The following AP2A2 variants were observed in gnomAD, a reference collection of about 807,000 sequenced individuals.
AP2A2 encodes the protein AP-2 complex subunit alpha-2.
In AP2A2, 32 loss-of-function variants were observed where a neutral mutation model predicts 104.2. The ratio of observed to expected loss-of-function variants is 0.31; its 90% CI spans 0.23 to 0.41. AP2A2 has a LOEUF of 0.41. AP2A2 is among the 10% of genes least tolerant of loss of function. The pLI is 1.00. For missense variants in AP2A2, 912 were observed against 1,261.0 expected (o/e 0.72, Z 4.19); for synonymous variants, 539 against 533.3 (o/e 1.01, Z -0.15).
Position 940,747 on chromosome 11 carries a change from G to A in AP2A2, c.67+14659G>A, listed in dbSNP as rs551697328. The A allele has an allele frequency of 5.8e-4, 261 of 451,688 alleles. 3 individuals are homozygous for A. Among genetic ancestry groups the A allele is most frequent in the South Asian group, 3.8e-3 (241 of 63,970 alleles). The allele number at this position is 451,688 out of a possible 1,614,324, so 28.0% of individuals were successfully genotyped here. The stretch of plus-strand genomic sequence containing the variant: ...GTTCTGAGCTCTCACTTTGTGCTTG[G>A]TGGCTGGTGGCTGTCCACCCATGTG... On this transcript the variant is annotated intron_variant, in intron 1 of 21. Transcript: ENST00000448903.
In AP2A2 at chr11:1,009,776, A is replaced by T; in HGVS notation, c.2701A>T (p.Ile901Phe). Residue 901 changes from isoleucine to phenylalanine, a missense_variant, in exon 21 of 22, where the codon ATT becomes TTT. Transcript: ENST00000448903. ...AGIIHTKTTQ[I>F]GCLLRLEPNL... ...AATCATCCACACGAAAACCACCCAGATTGGATGCCTGCTGCGCTTGGAGCC... is the reference window on the plus strand; with the variant it reads ...AATCATCCACACGAAAACCACCCAGTTTGGATGCCTGCTGCGCTTGGAGCC... The T allele has an allele frequency of 6.4e-7, 1 of 1,550,818 alleles. No individual in the cohort carries two copies. The highest frequency in any genetic ancestry group is 8.7e-7 in the Non-Finnish European group (1 of 1,146,288).
chr11:976,513 C>T (rs554872907), intron 4 of AP2A2, among the ~76,000 whole-genome samples: 83 of 152,070 alleles, frequency 5.5e-4, no homozygotes, highest in Non-Finnish European at 1.0e-3. Context: ...GGCAGGAGGG[C>T]GAAGGGGGAT....
chr11:976,461 C>T (rs1855041238), intron 4 of AP2A2, among the ~76,000 whole-genome samples: 1 of 152,142 alleles, frequency 6.6e-6, no homozygotes, highest in African/African-American at 2.4e-5. Flanking sequence ...GCGTCCACCC[C>T]AGGGTCCCTG....
chr11:953,063 G>A (rs1589960412), intron 1 of AP2A2, among the ~76,000 whole-genome samples: 2 of 152,228 alleles, frequency 1.3e-5, no homozygotes, highest in South Asian at 4.1e-4. Context: ...TTCTACTAGA[G>A]CGTTTTTGGT....
In AP2A2 at chr11:994,055, C is replaced by T. The variant is rs777924804; in HGVS notation, c.1783-17C>T. The T allele has an allele frequency of 2.5e-6, 4 of 1,612,124 alleles. No homozygotes were observed. The highest frequency in any genetic ancestry group is 3.4e-6 in the Non-Finnish European group (4 of 1,179,440). On this transcript the variant is annotated splice_polypyrimidine_tract_variant and intron_variant, in intron 13 of 21. Coordinates refer to ENST00000448903, the MANE Select transcript of AP2A2 (RefSeq NM_012305.4). ...GGCCAGGAGCTCTGACCAGTCCCACCCTGTGTTCTTTCCAAGGCGACCGTG... is the reference window on the plus strand; with the variant it reads ...GGCCAGGAGCTCTGACCAGTCCCACTCTGTGTTCTTTCCAAGGCGACCGTG...
intron 2 of AP2A2, among the ~76,000 whole-genome samples, chr11:967,318 A>G (rs755078032): frequency 5.3e-5 from 8 of 152,146 alleles, no homozygotes; most frequent in Non-Finnish European, 1.0e-4. Context: ...TGCCTCAGAC[A>G]CCTGATGCTC....
At chr11:934,696 G>T (rs10794344) in intron 1 of AP2A2, among the ~76,000 whole-genome samples, 1,966 of 152,226 alleles carry the variant, frequency 0.013, 38 homozygotes, top group Non-Finnish European at 0.016. Context: ...CCCTCTGATG[G>T]CAGCACAAGG....
intron 1 of AP2A2, chr11:940,657 G>T (rs1480351973): frequency 2.7e-6 from 1 of 364,716 alleles, no homozygotes; most frequent in Non-Finnish European, 5.4e-6. Flanking sequence ...TTCCTTCTGT[G>T]CATTGTCTCA....
rs1339298674 is a variant in AP2A2 at position 938,672 on chromosome 11, C to T, written c.67+12584C>T. ...GGTATTTTTAGTAGAGACGGGGTTT[C>T]ACCGTGTTAACCAGGATGGTCTCCA... On this transcript the variant is annotated intron_variant, in intron 1 of 21. Transcript: ENST00000448903. Among the ~76,000 whole-genome samples, 3 of 151,920 alleles carry T rather than the reference C, an allele frequency of 2.0e-5. No homozygotes were observed. The East Asian group carries it at 5.9e-4, about 30-fold the overall frequency.
At chr11:958,998 A>G (rs1015160836) in intron 1 of AP2A2, among the ~76,000 whole-genome samples, 1 of 152,232 alleles carries the variant, frequency 6.6e-6, no homozygotes, top group Non-Finnish European at 1.5e-5. Flanking sequence ...TTGAAAGCCT[A>G]TAGTAGTAAA....
chr11:1,008,362 A>C, intron 18 of AP2A2: 1 of 575,434 alleles, frequency 1.7e-6, no homozygotes. Flanking sequence ...CAGCTCCCAC[A>C]TGGGGCCTTG....
In AP2A2 at chr11:970,298, C is replaced by T. The variant is rs770294529; in HGVS notation, c.266C>T (p.Thr89Met). 1.4e-5 allele frequency: 23 copies of T among 1,613,418 alleles called. No individual in the cohort carries two copies. The highest frequency in any genetic ancestry group is 6.6e-5 in the South Asian group (6 of 91,004). Residue 89 changes from threonine to methionine, a missense_variant, in exon 3 of 22, where the codon ACG becomes ATG. Around this residue, in one of 7 missense-constraint regions of AP2A2, gnomAD observed 350 missense variants for 487.0 expected, o/e 0.72. Transcript: ENST00000448903. ...AVNLLSSNRY[T>M]EKQIGYLFIS... is the part of the protein sequence containing the mutation. ...AACCTGCTGAGTTCAAACAGATACA[C>T]GGAAAAGCAGATCGTGAGTATCGCT...
Position 1,011,470 on chromosome 11 carries a change from C to T in AP2A2, c.*845C>T, listed in dbSNP as rs1312456493. 4.0e-6 allele frequency: 2 copies of T among 497,898 alleles called. No homozygotes were observed. Among genetic ancestry groups the T allele is most frequent in the African/African-American group, 1.9e-5 (1 of 51,724 alleles). 30.8% of individuals were successfully genotyped at this position (497,898 alleles called of 1,614,324 possible). A position where few individuals can be genotyped will look rare whatever the true frequency, so the allele number is the denominator to read the frequency against. ...CTTCCACCGGCCCCGTCCAGTCGTCCCTGGAGGGGCTGTGGAGGAGGGACG... is the reference window on the plus strand; with the variant it reads ...CTTCCACCGGCCCCGTCCAGTCGTCTCTGGAGGGGCTGTGGAGGAGGGACG... On this transcript the variant is annotated 3_prime_UTR_variant, in exon 22 of 22. Coordinates refer to ENST00000448903, the MANE Select transcript of AP2A2 (RefSeq NM_012305.4).
chr11:966,754 A>C (rs1194756188), intron 2 of AP2A2, among the ~76,000 whole-genome samples: 1 of 152,134 alleles, frequency 6.6e-6, no homozygotes, highest in Non-Finnish European at 1.5e-5. Flanking sequence ...TGGTGACCAG[A>C]TGGCTGGTGG....
chr11:978,149 T>C (rs1855114251), intron 5 of AP2A2, among the ~76,000 whole-genome samples: 1 of 152,110 alleles, frequency 6.6e-6, no homozygotes, highest in Admixed American at 6.5e-5. Flanking sequence ...GAAGCAGCTA[T>C]GTGGGAGCTG....
In AP2A2 at chr11:1,011,216, C is replaced by A; in HGVS notation, c.*591C>A. On this transcript the variant is annotated 3_prime_UTR_variant, in exon 22 of 22. Coordinates refer to ENST00000448903, the MANE Select transcript of AP2A2 (RefSeq NM_012305.4). ...CTTCTGGCAAAAGCACGTGTCCTGG[C>A]CGGATGTAACTGTTCTCCTTTCCCA... The A allele has an allele frequency of 1.9e-6, 1 of 520,136 alleles. No individual in the cohort carries two copies. The highest frequency in any genetic ancestry group is 1.4e-5 in the South Asian group (1 of 71,602). 32.2% of individuals were successfully genotyped at this position (520,136 alleles called of 1,614,324 possible).
At position 993,714 on chromosome 11, in the gene AP2A2, GGGAC is replaced by G; in HGVS notation, c.1551-38_1551-35del. The G allele has an allele frequency of 6.7e-7, 1 of 1,495,880 alleles. No individual in the cohort carries two copies. The highest frequency in any genetic ancestry group is 9.0e-7 in the Non-Finnish European group (1 of 1,105,980). 92.7% of individuals were successfully genotyped at this position (1,495,880 alleles called of 1,614,324 possible). A position where few individuals can be genotyped will look rare whatever the true frequency, so the allele number is the denominator to read the frequency against. On this transcript the variant is annotated intron_variant, in intron 12 of 21. Transcript: ENST00000448903. This position sits in a 1 kb window ranked among gnomAD's most constrained non-coding sequence, Gnocchi z 8.2. The stretch of plus-strand genomic sequence containing the variant: ...GCGGGGGCGTGCTGCAGCCTGCGAG[GGGAC>G]GACGGTGTCCCTGTGTTGTGCCTCC...
At position 993,652 on chromosome 11, in the gene AP2A2, G is replaced by A; in HGVS notation, c.1551-102G>A. 1.1e-6 allele frequency: 1 copy of A among 884,106 alleles called. No homozygotes were observed. Among genetic ancestry groups the A allele is most frequent in the Non-Finnish European group, 1.7e-6 (1 of 580,528 alleles). 54.8% of individuals were successfully genotyped at this position (884,106 alleles called of 1,614,324 possible). ...AAGAGGGTCCCGACCAGCGGCCTCTGGTGCAGGCCAGGGGGTCTCGCCGCC... is the reference window on the plus strand; with the variant it reads ...AAGAGGGTCCCGACCAGCGGCCTCTAGTGCAGGCCAGGGGGTCTCGCCGCC... On this transcript the variant is annotated intron_variant, in intron 12 of 21. Transcript: ENST00000448903. This position sits in a 1 kb window ranked among gnomAD's most constrained non-coding sequence, Gnocchi z 8.2.
At chr11:988,158 A>C (rs1210929459) in intron 9 of AP2A2, among the ~76,000 whole-genome samples, 1 of 152,192 alleles carries the variant, frequency 6.6e-6, no homozygotes, top group African/African-American at 2.4e-5. Context: ...GGGCGTGAGG[A>C]CCTGCCTTGG....
Sources: allele counts gnomAD v4.1 joint callset (sites outside exome capture counted in the v4.1 genomes callset), GRCh38; gene constraint gnomAD v4.1.1; regional missense constraint gnomAD v4.1.1; non-coding constraint Gnocchi (gnomAD v3.1); transcripts MANE v1.5; gene names NCBI Gene and HGNC (gene_info 2026-07-23, HGNC 2026-07-21).